ATP11A: variants seen among roughly 807,000 people sequenced by gnomAD.
ATP11A encodes ATPase phospholipid transporting 11A.
Under a neutral mutation model 154.4 loss-of-function variants are expected in ATP11A, and 81 were observed. The ratio of observed to expected loss-of-function variants is 0.52; its 90% CI spans 0.44 to 0.63. The LOEUF (loss-of-function observed/expected upper bound fraction) is 0.63, where lower values mean the gene tolerates loss of function less well. Ranked by LOEUF, ATP11A falls within the 30% of genes least tolerant of loss-of-function variation. The pLI, the probability that ATP11A is intolerant of heterozygous loss-of-function variation, is 0.00. For synonymous variants in ATP11A, 623 were observed against 585.9 expected (o/e 1.06, Z -0.91); for missense variants, 1,316 against 1,474.3 (o/e 0.89, Z 1.76).
chr13:112,842,954 G>A (rs1221994131), intron 17 of ATP11A, among the ~76,000 whole-genome samples: 1 of 152,260 alleles, frequency 6.6e-6, no homozygotes, highest in Admixed American at 6.5e-5. Context: ...GCCGGCCTGA[G>A]TGTCTCTCAC....
chr13:112,821,261 G>A (rs776403670), intron 8 of ATP11A, among the ~76,000 whole-genome samples: 6 of 152,054 alleles, frequency 3.9e-5, no homozygotes, highest in African/African-American at 7.2e-5. Context: ...GACGATAATT[G>A]CTAATGTATT....
chr13:112,724,697 C>A (rs1187986919), intron 1 of ATP11A, among the ~76,000 whole-genome samples: 1 of 152,114 alleles, frequency 6.6e-6, no homozygotes, highest in Non-Finnish European at 1.5e-5. Flanking sequence ...CGGCCCCCCC[C>A]CAGGAAGCTG....
At chr13:112,740,494 C>G (rs1184443638) in intron 1 of ATP11A, among the ~76,000 whole-genome samples, 1 of 152,160 alleles carries the variant, frequency 6.6e-6, no homozygotes, top group Non-Finnish European at 1.5e-5. Flanking sequence ...TAAGTTGTGT[C>G]TGGCCTTTGG....
At chr13:112,691,922 C>T (rs1885247044) in intron 1 of ATP11A, among the ~76,000 whole-genome samples, 2 of 151,930 alleles carry the variant, frequency 1.3e-5, no homozygotes, top group African/African-American at 4.8e-5. Flanking sequence ...GAGAACTCAC[C>T]CCTGGTGATT....
intron 1 of ATP11A, among the ~76,000 whole-genome samples, chr13:112,766,566 G>A (rs1280005620): frequency 6.6e-6 from 1 of 152,020 alleles, no homozygotes; most frequent in African/African-American, 2.4e-5. Flanking sequence ...GTCTTCTGGG[G>A]TCAGGGTCCT....
intron 2 of ATP11A, among the ~76,000 whole-genome samples, chr13:112,800,434 A>G (rs1306396087): frequency 1.3e-5 from 2 of 152,218 alleles, no homozygotes; most frequent in Non-Finnish European, 2.9e-5. Context: ...GCTATCTACC[A>G]AAACTCAAAC....
chr13:112,759,553 T>C (rs552731175), intron 1 of ATP11A, among the ~76,000 whole-genome samples: 2 of 152,254 alleles, frequency 1.3e-5, no homozygotes, highest in South Asian at 2.1e-4. Flanking sequence ...ATTGAACTTA[T>C]ACACCAGTAA....
At chr13:112,707,505 G>T (rs1887281103) in intron 1 of ATP11A, among the ~76,000 whole-genome samples, 1 of 151,816 alleles carries the variant, frequency 6.6e-6, no homozygotes, top group Non-Finnish European at 1.5e-5. Context: ...TTTGGAAGTT[G>T]ACAACGACCA....
chr13:112,772,141 T>G (rs189615731), intron 1 of ATP11A, among the ~76,000 whole-genome samples: 1 of 152,342 alleles, frequency 6.6e-6, no homozygotes, highest in African/African-American at 2.4e-5. Flanking sequence ...TTATCTTTGT[T>G]GGCAAAGTGC....
intron 1 of ATP11A, among the ~76,000 whole-genome samples, chr13:112,765,455 C>G (rs1376897560): frequency 6.6e-6 from 1 of 152,214 alleles, no homozygotes; most frequent in Non-Finnish European, 1.5e-5. Flanking sequence ...CTGATTCGGC[C>G]CCGTTTCCTT....
At chr13:112,733,363 G>A (rs1197944520) in intron 1 of ATP11A, among the ~76,000 whole-genome samples, 1 of 152,248 alleles carries the variant, frequency 6.6e-6, no homozygotes, top group African/African-American at 2.4e-5. Flanking sequence ...GTGGGGACAG[G>A]ATGGATAGGA....
In ATP11A at chr13:112,781,784, CAAAAAAA is replaced by C. The variant is rs748401969; in HGVS notation, c.40-3338_40-3332del. Among the ~76,000 whole-genome samples, 82 of 101,348 alleles carry C rather than the reference CAAAAAAA, an allele frequency of 8.1e-4. 1 individual carries two copies. Among genetic ancestry groups the C allele is most frequent in the Non-Finnish European group, 1.2e-3 (59 of 48,962 alleles). 66.5% of individuals were successfully genotyped at this position (101,348 alleles called of 152,430 possible). A position where few individuals can be genotyped will look rare whatever the true frequency, so the allele number is the denominator to read the frequency against. On this transcript the variant is annotated intron_variant, in intron 1 of 29. Coordinates refer to ENST00000375645, the MANE Select transcript of ATP11A (RefSeq NM_015205.3). ...TCTTAATAAACTTGCTTTCACTTTG[CAAAAAAA>C]AAAAAAAAAAAAGAATTTGAACATT...
intron 1 of ATP11A, among the ~76,000 whole-genome samples, chr13:112,781,339 AG>A (rs1466012977): frequency 1.3e-5 from 2 of 152,058 alleles, no homozygotes; most frequent in East Asian, 3.9e-4. Context: ...CATGCCCGGC[AG>A]GGACCCCGTT....
chr13:112,855,902 C>T lies in ATP11A; in HGVS notation c.2244-9C>T, dbSNP rs2079907684. On this transcript the variant is annotated splice_polypyrimidine_tract_variant and intron_variant, in intron 19 of 29. Transcript: ENST00000375645. ...TTGAGCAATCTTTCTGACTCACGTACTCTAACAGACTTTCAGCAGATATGC... is the reference window on the plus strand; with the variant it reads ...TTGAGCAATCTTTCTGACTCACGTATTCTAACAGACTTTCAGCAGATATGC... The T allele has an allele frequency of 6.2e-7, 1 of 1,600,938 alleles. No homozygotes were observed. The highest frequency in any genetic ancestry group is 8.5e-7 in the Non-Finnish European group (1 of 1,171,278).
chr13:112,779,373 GCCGC>G (rs1452736695), intron 1 of ATP11A, among the ~76,000 whole-genome samples: 19 of 142,946 alleles, frequency 1.3e-4, no homozygotes, highest in African/African-American at 5.0e-4. Context: ...GTGAGGAGTA[GCCGC>G]TGGAGTGAGT....
intron 18 of ATP11A, among the ~76,000 whole-genome samples, chr13:112,852,556 C>T (rs531997787): frequency 1.3e-5 from 2 of 152,200 alleles, no homozygotes; most frequent in Admixed American, 6.5e-5. Flanking sequence ...CTGGGGGCTG[C>T]GTCCTTGCTC....
At chr13:112,827,289 G>C (rs981918990) in intron 12 of ATP11A, among the ~76,000 whole-genome samples, 6 of 152,226 alleles carry the variant, frequency 3.9e-5, no homozygotes, top group African/African-American at 1.4e-4. Flanking sequence ...TTGGTGGATT[G>C]CAAAGAGTTC....
intron 12 of ATP11A, among the ~76,000 whole-genome samples, chr13:112,828,480 G>C (rs116819656): frequency 6.8e-6 from 1 of 147,386 alleles, no homozygotes; most frequent in African/African-American, 2.5e-5. Context: ...CAGAAGTGTT[G>C]AGTATGGAGG....
rs1469779754 is a variant in ATP11A, at chr13:112,696,538, C to T, written c.39+6083C>T. 6.6e-6 allele frequency among the ~76,000 whole-genome samples: 1 copy of T among 152,250 alleles called. No individual in the cohort carries two copies. Among genetic ancestry groups the T allele is most frequent in the Non-Finnish European group, 1.5e-5 (1 of 68,014 alleles). ...TGACACTGTCTGCCCTGCTGCTTGC[C>T]GTCCCGCTGTTGGCACCGCTTTAGA... On this transcript the variant is annotated intron_variant, in intron 1 of 29. Transcript: ENST00000375645. The surrounding 1 kb of genome is among the most constrained non-coding windows in gnomAD (Gnocchi z 6.2).
Sources: gnomAD v4.1 joint callset for allele counts (sites outside exome capture counted in the v4.1 genomes callset) on GRCh38, gnomAD v4.1.1 for gene constraint, Gnocchi (gnomAD v3.1) non-coding constraint, MANE v1.5 for transcripts, NCBI Gene and HGNC (gene_info 2026-07-23, HGNC 2026-07-21) for gene names.